CYFIP2: variants seen among roughly 807,000 people sequenced by gnomAD.
The protein encoded by CYFIP2 is cytoplasmic FMR1 interacting protein 2, also known as cytoplasmic FMR1-interacting protein 2.
In CYFIP2, 29 loss-of-function variants were observed where a neutral mutation model predicts 158.7. The ratio of observed to expected loss-of-function variants is 0.18; its 90% CI spans 0.14 to 0.25. The LOEUF (loss-of-function observed/expected upper bound fraction) is 0.25. Ranked by LOEUF, CYFIP2 falls within the 10% of genes least tolerant of loss-of-function variation. CYFIP2 has a pLI of 1.00. For missense variants in CYFIP2, 852 were observed against 1,639.5 expected (o/e 0.52, Z 8.29); for synonymous variants, 585 against 617.6 (o/e 0.95, Z 0.78).
intron 19 of CYFIP2, among the ~76,000 whole-genome samples, chr5:157,330,245 T>A (rs1761344385): frequency 2.3e-5 from 1 of 43,804 alleles, no homozygotes; most frequent in Non-Finnish European, 4.9e-5. Flanking sequence ...TTAAAATGTG[T>A]GTGTGTGTGT....
At chr5:157,384,203 G>A (rs959968981) in intron 28 of CYFIP2, 2 of 442,100 alleles carry the variant, frequency 4.5e-6, no homozygotes, top group African/African-American at 4.0e-5. Context: ...GAGTAAGACA[G>A]GACCCCTGCC....
chr5:157,362,147 T>G (rs1489537992), intron 26 of CYFIP2, among the ~76,000 whole-genome samples: 2 of 152,188 alleles, frequency 1.3e-5, no homozygotes, highest in Admixed American at 1.3e-4. Flanking sequence ...GCTTTGCAAT[T>G]GGGTAAGGAA....
Position 157,390,588 on chromosome 5 carries a change from C to G in CYFIP2, c.3514C>G (p.Arg1172Gly). ...CATTGTCCTGCTGGGCCAGCAGCGT[C>G]GCTTTGACCTGTTCGACTTCTGTTA... The part of the protein sequence containing the change: ...SIIVLLGQQR[R>G]FDLFDFCYHL... The change falls in exon 30 of 31, where the codon CGC becomes GGC. Residue 1172 changes from arginine (R) to glycine (G), a missense_variant. Physicochemically the swap from Arg to Gly is moderately radical, Grantham distance 125. Transcript: ENST00000620254. 1 of 1,561,812 alleles carries G rather than the reference C, an allele frequency of 6.4e-7. No homozygotes were observed. The highest frequency in any genetic ancestry group is 8.7e-7 in the Non-Finnish European group (1 of 1,152,442).
rs748394201 is a variant in CYFIP2, at chr5:157,392,820, C to T, written c.3595-13C>T. On this transcript the variant is annotated splice_polypyrimidine_tract_variant and intron_variant, in intron 30 of 30. Coordinates refer to ENST00000620254, the MANE Select transcript of CYFIP2 (RefSeq NM_001037333.3). ...TGTCCTGCCCTAACTTGAACATCCC[C>T]TTCCTTCTGTAGCCCCTGAAGAAGA... 2 of 1,613,256 alleles carry T rather than the reference C, an allele frequency of 1.2e-6. No individual in the cohort carries two copies. Among genetic ancestry groups the T allele is most frequent in the East Asian group, 2.2e-5 (1 of 44,878 alleles).
At chr5:157,338,167 T>C (rs1761991119) in intron 21 of CYFIP2, among the ~76,000 whole-genome samples, 1 of 152,214 alleles carries the variant, frequency 6.6e-6, no homozygotes, top group Non-Finnish European at 1.5e-5. Context: ...TTCTTTCATT[T>C]CCCAACAAAT....
In CYFIP2 at chr5:157,276,034, C is replaced by G. The variant is rs531697788; in HGVS notation, c.-23-9305C>G. Among the ~76,000 whole-genome samples, 6 of 152,212 alleles carry G rather than the reference C, an allele frequency of 3.9e-5. No homozygotes were observed. In the South Asian group the frequency reaches 1.2e-3, roughly 32 times the overall value. On this transcript the variant is annotated intron_variant, in intron 1 of 30. Transcript: ENST00000620254. The stretch of plus-strand genomic sequence containing the variant: ...ACTTGCTGAACTTGTTTATGACTTT[C>G]AATAGTTTTTAGTGGATTTTTCTTG...
chr5:157,392,167 T>C (rs942427395), intron 30 of CYFIP2, among the ~76,000 whole-genome samples: 14 of 152,230 alleles, frequency 9.2e-5, no homozygotes, highest in Non-Finnish European at 1.5e-4. Flanking sequence ...TCAGATATAA[T>C]TTGTGATTAT....
intron 3 of CYFIP2, among the ~76,000 whole-genome samples, chr5:157,287,635 C>G (rs769117137): frequency 6.6e-6 from 1 of 152,190 alleles, no homozygotes; most frequent in Non-Finnish European, 1.5e-5. Context: ...TGATTTTATT[C>G]TCATGCAGCA....
At chr5:157,343,302 T>G in intron 23 of CYFIP2, 1 of 1,614,160 alleles carries the variant, frequency 6.2e-7, no homozygotes, top group Non-Finnish European at 8.5e-7. Context: ...GCAGCCTTCT[T>G]ACAGCTGATG....
intron 26 of CYFIP2, among the ~76,000 whole-genome samples, chr5:157,378,715 C>T (rs946382122): frequency 6.6e-6 from 1 of 152,212 alleles, no homozygotes; most frequent in South Asian, 2.1e-4. Flanking sequence ...GACAGTGAGC[C>T]CTATCTCACA....
At chr5:157,291,084 GTCAATGTGGGCTGCACAAGAGAA>G (rs960305619) in intron 3 of CYFIP2, among the ~76,000 whole-genome samples, 5 of 152,182 alleles carry the variant, frequency 3.3e-5, no homozygotes, top group African/African-American at 4.8e-5. Context: ...TCCTGAAGCT[GTCAATGTGGGCTGCACAAGAGAA>G]TCAACCTGGG....
chr5:157,292,301 C>T (rs1757888414), intron 3 of CYFIP2, among the ~76,000 whole-genome samples: 1 of 151,984 alleles, frequency 6.6e-6, no homozygotes, highest in Non-Finnish European at 1.5e-5. Context: ...CTCACCGCAA[C>T]TTCCACCTCC....
intron 19 of CYFIP2, among the ~76,000 whole-genome samples, chr5:157,329,622 T>C (rs1054547224): frequency 3.3e-5 from 5 of 152,230 alleles, no homozygotes; most frequent in African/African-American, 1.2e-4. Context: ...AAATTAATTT[T>C]AATAATATAT....
chr5:157,358,146 G>A (rs1310717257), intron 23 of CYFIP2, among the ~76,000 whole-genome samples: 1 of 152,212 alleles, frequency 6.6e-6, no homozygotes, highest in Non-Finnish European at 1.5e-5. Flanking sequence ...AGAACAGAGC[G>A]TTAGAGTCGA....
intron 1 of CYFIP2, among the ~76,000 whole-genome samples, chr5:157,280,686 A>G (rs1756928074): frequency 6.6e-6 from 1 of 152,106 alleles, no homozygotes; most frequent in South Asian, 2.1e-4. Context: ...AGTAATTTCT[A>G]TGTATGTGTC....
chr5:157,272,103 A>G (rs527497137), intron 1 of CYFIP2, among the ~76,000 whole-genome samples: 4 of 152,202 alleles, frequency 2.6e-5, no homozygotes, highest in African/African-American at 4.8e-5. Context: ...GCTGGGCAAA[A>G]TGGCAAACGA....
chr5:157,287,075 G>A lies in CYFIP2; in HGVS notation c.174G>A (p.Arg58=), dbSNP rs766961343. 1.1e-5 allele frequency: 17 copies of A among 1,613,470 alleles called. No individual in the cohort carries two copies. Among genetic ancestry groups the A allele is most frequent in the East Asian group, 6.7e-5 (3 of 44,874 alleles). Residue 58 remains arginine (R), a synonymous_variant, in exon 3 of 31, where the codon AGG becomes AGA. Coordinates refer to ENST00000620254, the MANE Select transcript of CYFIP2 (RefSeq NM_001037333.3). ...ATGCATTTGTCACGGGCATTGCAAGGTACATTGAGCAGGCTACAGTCCACT... is the reference window on the plus strand; with the variant it reads ...ATGCATTTGTCACGGGCATTGCAAGATACATTGAGCAGGCTACAGTCCACT... ...DRNAFVTGIA[R]YIEQATVHSS... is the part of the protein sequence containing the mutation.
chr5:157,315,248 G>A (rs1036601396), intron 13 of CYFIP2, among the ~76,000 whole-genome samples, 154 bp downstream of exon 13: 1 of 152,006 alleles, frequency 6.6e-6, no homozygotes, highest in African/African-American at 2.4e-5. Flanking sequence ...AAGTTATTCT[G>A]CTACTCAGAA....
intron 26 of CYFIP2, chr5:157,364,356 C>G (rs896150348): frequency 2.0e-5 from 3 of 152,152 alleles, no homozygotes; most frequent in Admixed American, 1.3e-4. Context: ...AGGAAAGGAC[C>G]ACTTCCTCAG....
Sources: allele counts gnomAD v4.1 joint callset (sites outside exome capture counted in the v4.1 genomes callset), GRCh38; gene constraint gnomAD v4.1.1; transcripts MANE v1.5; gene names NCBI Gene and HGNC (gene_info 2026-07-23, HGNC 2026-07-21).